Variants in DENND1A observed in about 807,000 individuals in gnomAD.
The protein encoded by DENND1A is DENN domain-containing protein 1A.
In DENND1A, 51 loss-of-function variants were observed where a neutral mutation model predicts 113.7. The observed-to-expected ratio is 0.45, with a 90% CI of 0.36 to 0.57. DENND1A has a LOEUF of 0.57. Ranked by LOEUF, DENND1A falls within the 20% of genes least tolerant of loss-of-function variation. The pLI is 0.00. For missense variants in DENND1A, 1,258 were observed against 1,395.9 expected (o/e 0.90, Z 1.57); for synonymous variants, 565 against 570.8 (o/e 0.99, Z 0.14).
In DENND1A at chr9:123,382,405, T is replaced by C. The variant is rs779069429; in HGVS notation, c.2240A>G (p.Lys747Arg). 1 of 1,601,392 alleles carries C rather than the reference T, an allele frequency of 6.2e-7. No individual in the cohort carries two copies. The highest frequency in any genetic ancestry group is 8.5e-7 in the Non-Finnish European group (1 of 1,173,486). ...CAGAGTAGGGGTGGGCACCTCCTCC[T>C]TGTCACTGGGGTTCAGGATGCTGTC... ...NRDSILNPSD[K>R]EEVPTPTLGS... The change falls in exon 24 of 24, where the codon AAG becomes AGG. Residue 747 changes from lysine (K) to arginine (R), a missense_variant. By Grantham distance (26) the Lys-to-Arg change is conservative. Transcript: ENST00000394215.
chr9:123,601,015 A>C (rs2059915431), intron 11 of DENND1A, among the ~76,000 whole-genome samples: 1 of 152,208 alleles, frequency 6.6e-6, no homozygotes, highest in Non-Finnish European at 1.5e-5. Context: ...GTAACAATTT[A>C]TAAACTTTTA....
chr9:123,827,572 T>A (rs997014998), intron 2 of DENND1A, among the ~76,000 whole-genome samples: 1 of 151,884 alleles, frequency 6.6e-6, no homozygotes, highest in Admixed American at 6.6e-5. Context: ...TTTAAGAACA[T>A]GTTTCTCCCA....
At chr9:123,841,570 A>G (rs1477711390) in intron 2 of DENND1A, among the ~76,000 whole-genome samples, 1 of 152,178 alleles carries the variant, frequency 6.6e-6, no homozygotes, top group Non-Finnish European at 1.5e-5. Flanking sequence ...TAACAACTGC[A>G]CAAGTAATGT....
At chr9:123,862,961 G>A (rs575774438) in intron 2 of DENND1A, among the ~76,000 whole-genome samples, 1 of 152,226 alleles carries the variant, frequency 6.6e-6, no homozygotes, top group East Asian at 1.9e-4. Context: ...TACATCAAAT[G>A]GGAATCTTCA....
chr9:123,887,549 G>A (rs1849271855), intron 1 of DENND1A, among the ~76,000 whole-genome samples: 1 of 151,962 alleles, frequency 6.6e-6, no homozygotes, highest in Non-Finnish European at 1.5e-5. Context: ...TGTCAGAGCT[G>A]CAGAGGGTGA....
chr9:123,816,855 G>A (rs1260517524), intron 2 of DENND1A, among the ~76,000 whole-genome samples: 2 of 152,132 alleles, frequency 1.3e-5, no homozygotes, highest in African/African-American at 4.8e-5. Flanking sequence ...AAAATAGAGA[G>A]GCACTGTAAA....
chr9:123,632,730 G>A (rs1254898585), intron 9 of DENND1A, among the ~76,000 whole-genome samples: 1 of 152,006 alleles, frequency 6.6e-6, no homozygotes, highest in East Asian at 1.9e-4. Context: ...TCTGTCCTTG[G>A]AATACATCAC....
intron 9 of DENND1A, among the ~76,000 whole-genome samples, chr9:123,651,287 C>T (rs1015848565): frequency 6.6e-6 from 1 of 152,192 alleles, no homozygotes; most frequent in Non-Finnish European, 1.5e-5. Context: ...GGAAAATATT[C>T]AGTTACCTCT....
At position 123,676,807 on chromosome 9, in the gene DENND1A, A is replaced by G; in HGVS notation, c.303-18T>C. On this transcript the variant is annotated intron_variant, in intron 5 of 23. Transcript: ENST00000394215. ...GGAGATAGCTGGAGGAAGAAGAGGA[A>G]ACACATGAAATATTAGTATGCAGGT... 1 of 1,612,232 alleles carries G rather than the reference A, an allele frequency of 6.2e-7. No homozygotes were observed. The highest frequency in any genetic ancestry group is 8.5e-7 in the Non-Finnish European group (1 of 1,178,388).
rs950869440 is a variant in DENND1A, at chr9:123,538,630, G to A, written c.993+18940C>T. Among the ~76,000 whole-genome samples, 8 of 151,194 alleles carry A rather than the reference G, an allele frequency of 5.3e-5. No homozygotes were observed. In the South Asian group the frequency reaches 1.5e-3, roughly 28 times the overall value. ...ACTGACCAAAGATGGGAGGGTTTGA[G>A]TTTAATAAAATAATTATTTTAATAA... On this transcript the variant is annotated intron_variant, in intron 13 of 23. Transcript: ENST00000394215.
At chr9:123,570,253 T>C (rs1388567849) in intron 12 of DENND1A, among the ~76,000 whole-genome samples, 3 of 152,226 alleles carry the variant, frequency 2.0e-5, no homozygotes, top group Non-Finnish European at 4.4e-5. Context: ...GCTATAGATC[T>C]GCCCATCTGG....
intron 10 of DENND1A, 135 bp from the exon 11 acceptor site, chr9:123,609,616 A>G: frequency 9.8e-7 from 1 of 1,015,576 alleles, no homozygotes; most frequent in South Asian, 1.9e-5. Flanking sequence ...CACAACAAAA[A>G]TCCTAATATG....
At chr9:123,720,361 G>A (rs943320444) in intron 5 of DENND1A, among the ~76,000 whole-genome samples, 3 of 152,150 alleles carry the variant, frequency 2.0e-5, no homozygotes, top group Non-Finnish European at 2.9e-5. Flanking sequence ...GAGGGTCTGT[G>A]CATGCTGGGG....
chr9:123,557,630 C>G lies in DENND1A; in HGVS notation c.933G>C (p.Ala311=), dbSNP rs757631544. The G allele has an allele frequency of 1.7e-5, 28 of 1,614,036 alleles. No individual in the cohort carries two copies. Among genetic ancestry groups the G allele is most frequent in the Non-Finnish European group, 2.4e-5 (28 of 1,179,970 alleles). The change falls in exon 13 of 24, where the codon GCG becomes GCC. Residue 311 remains alanine (A), a synonymous_variant. Coordinates refer to ENST00000394215, the MANE Select transcript of DENND1A (RefSeq NM_001352964.2). ...STTTGDGVAR[A]FLKAQAAFFG... ...AGAAAGCAGCCTGGGCCTTGAGGAA[C>G]GCTCTGGCCACACCATCCCCAGTGG...
intron 5 of DENND1A, among the ~76,000 whole-genome samples, chr9:123,738,160 C>T (rs1206925412): frequency 2.0e-5 from 3 of 152,134 alleles, no homozygotes; most frequent in Non-Finnish European, 4.4e-5. Flanking sequence ...AAATGTAAAA[C>T]ATATTTAAAC....
At chr9:123,402,803 G>GC (rs1214984664) in intron 21 of DENND1A, among the ~76,000 whole-genome samples, 1 of 152,196 alleles carries the variant, frequency 6.6e-6, no homozygotes, top group African/African-American at 2.4e-5. Context: ...TTGTCTTTCT[G>GC]CCCCCCTCAT....
intron 4 of DENND1A, among the ~76,000 whole-genome samples, chr9:123,765,565 T>G (rs1183290879): frequency 6.6e-6 from 1 of 152,028 alleles, no homozygotes; most frequent in Non-Finnish European, 1.5e-5. Context: ...CCAGTATAAT[T>G]TACAGGAAAA....
In DENND1A at chr9:123,624,515, T is replaced by C. The variant is rs113926926; in HGVS notation, c.719+5861A>G. Reference sequence around the variant, plus strand: ...AAACAGACACCAATCCCCACCGGCCTGTAATCATCCTTTGGTCATATGTCA... The same window carrying C: ...AAACAGACACCAATCCCCACCGGCCCGTAATCATCCTTTGGTCATATGTCA... On this transcript the variant is annotated intron_variant, in intron 10 of 23. Coordinates refer to ENST00000394215, the MANE Select transcript of DENND1A (RefSeq NM_001352964.2). 3.1e-3 allele frequency among the ~76,000 whole-genome samples: 467 copies of C among 152,334 alleles called. 7 individuals are homozygous for C. Among genetic ancestry groups the C allele is most frequent in the African/African-American group, 0.011 (451 of 41,574 alleles).
intron 5 of DENND1A, 78 bp from the exon 6 acceptor site, chr9:123,676,867 T>C: frequency 7.4e-7 from 1 of 1,351,782 alleles, no homozygotes; most frequent in Non-Finnish European, 1.1e-6. Flanking sequence ...TCAAGACTGA[T>C]ACATTTCAGT....
Sources: allele counts gnomAD v4.1 joint callset (sites outside exome capture counted in the v4.1 genomes callset), GRCh38; gene constraint gnomAD v4.1.1; transcripts MANE v1.5; gene names NCBI Gene and HGNC (gene_info 2026-07-23, HGNC 2026-07-21).